Variants in NSMCE2 observed in about 807,000 individuals in gnomAD.
The protein encoded by NSMCE2 is NSE2 SUMO ligase component of SMC5/6 complex, also known as E3 SUMO-protein ligase NSE2.
In NSMCE2, 24 loss-of-function variants were observed where a neutral mutation model predicts 23.8. That is an observed-to-expected ratio of 1.01 (90% CI 0.73 to 1.42). NSMCE2 has a LOEUF of 1.42. NSMCE2 is among the 40% of genes most tolerant of loss of function. The pLI, the probability that NSMCE2 is intolerant of heterozygous loss-of-function variation, is 0.00. For synonymous variants in NSMCE2, 92 were observed against 94.1 expected (o/e 0.98, Z 0.13); for missense variants, 284 against 296.5 (o/e 0.96, Z 0.31).
chr8:125,313,572 T>G (rs1829060735), intron 5 of NSMCE2, among the ~76,000 whole-genome samples: 1 of 152,216 alleles, frequency 6.6e-6, no homozygotes, highest in Admixed American at 6.5e-5. Context: ...ACTTGCCAGC[T>G]TAGCTCTTTT....
chr8:125,102,207 T>G, intron 2 of NSMCE2, 61 bp downstream of exon 2: 5 of 751,022 alleles, frequency 6.7e-6, no homozygotes, highest in Non-Finnish European at 1.1e-5. Context: ...GTGGCATTTA[T>G]GAGATATTGG....
rs897549791 is a variant in NSMCE2, at chr8:125,259,567, C to T, written c.418+77311C>T. ...TGTGACAAATTGTCTTCCATGAAAC[C>T]GGCCCCTGGCACCAAAAGTTGGAGA... On this transcript the variant is annotated intron_variant, in intron 5 of 7. Coordinates refer to ENST00000287437, the MANE Select transcript of NSMCE2 (RefSeq NM_173685.4). 5.9e-5 allele frequency among the ~76,000 whole-genome samples: 9 copies of T among 152,246 alleles called. No individual in the cohort carries two copies. The South Asian group carries it at 1.0e-3, about 18-fold the overall frequency.
intron 5 of NSMCE2, among the ~76,000 whole-genome samples, chr8:125,277,902 AT>A (rs575034676): frequency 1.5e-3 from 228 of 151,970 alleles, no homozygotes; most frequent in Middle Eastern, 6.8e-3. Context: ...CTACCAAATA[AT>A]TTTTTTAAAA....
At chr8:125,238,162 CAGTG>C (rs751005532) in intron 5 of NSMCE2, among the ~76,000 whole-genome samples, 13 of 152,202 alleles carry the variant, frequency 8.5e-5, no homozygotes, top group South Asian at 2.1e-4. Flanking sequence ...TCTCTTGAGA[CAGTG>C]AGAACTAAAG....
intron 5 of NSMCE2, among the ~76,000 whole-genome samples, chr8:125,269,368 G>C (rs1456120208): frequency 6.6e-6 from 1 of 152,174 alleles, no homozygotes; most frequent in East Asian, 1.9e-4. Context: ...TTACAGGCTT[G>C]AGCCACTGCA....
chr8:125,310,218 G>C (rs1475543682), intron 5 of NSMCE2, among the ~76,000 whole-genome samples: 1 of 152,156 alleles, frequency 6.6e-6, no homozygotes, highest in Non-Finnish European at 1.5e-5. Flanking sequence ...GTCAAAATAA[G>C]GAAAATACAT....
intron 3 of NSMCE2, among the ~76,000 whole-genome samples, chr8:125,133,301 T>C (rs1338016671): frequency 6.6e-6 from 1 of 152,188 alleles, no homozygotes; most frequent in Non-Finnish European, 1.5e-5. Context: ...ACAAACATTT[T>C]TATGGAATGC....
chr8:125,256,453 T>C (rs1826419826), intron 5 of NSMCE2, among the ~76,000 whole-genome samples: 1 of 152,150 alleles, frequency 6.6e-6, no homozygotes, highest in African/African-American at 2.4e-5. Context: ...AGCTTTGACG[T>C]GCTGGATATG....
At chr8:125,364,125 G>A (rs965882811) in intron 7 of NSMCE2, among the ~76,000 whole-genome samples, 1 of 152,028 alleles carries the variant, frequency 6.6e-6, no homozygotes, top group African/African-American at 2.4e-5. Context: ...TGTATTTTTA[G>A]TAAAGATAGG....
chr8:125,328,533 G>T (rs549040560), intron 5 of NSMCE2, among the ~76,000 whole-genome samples: 1 of 152,248 alleles, frequency 6.6e-6, no homozygotes, highest in South Asian at 2.1e-4. Flanking sequence ...AGGCCTGCTG[G>T]TTTCAGAATT....
intron 3 of NSMCE2, among the ~76,000 whole-genome samples, chr8:125,114,659 A>C (rs1322105023): frequency 6.6e-6 from 1 of 152,196 alleles, no homozygotes; most frequent in Non-Finnish European, 1.5e-5. Context: ...AGATGCTGCT[A>C]AACAGCCTTC....
intron 5 of NSMCE2, among the ~76,000 whole-genome samples, chr8:125,326,818 T>C (rs58600417): frequency 0.042 from 6,349 of 151,120 alleles, 417 homozygotes; most frequent in African/African-American, 0.14. Context: ...TAGCCGGTCG[T>C]GGTGGCGGGC....
chr8:125,292,234 GAGA>G (rs940985767), intron 5 of NSMCE2, among the ~76,000 whole-genome samples: 17 of 151,782 alleles, frequency 1.1e-4, no homozygotes, highest in African/African-American at 2.9e-4. Flanking sequence ...AAAAAAAAAG[GAGA>G]AGAAGAAGAA....
At chr8:125,127,064 C>T (rs1403807069) in intron 3 of NSMCE2, 2 of 152,198 alleles carry the variant, frequency 1.3e-5, no homozygotes, top group Non-Finnish European at 2.9e-5. Context: ...TATCTGCTAG[C>T]TCTGTGAGTT....
intron 5 of NSMCE2, among the ~76,000 whole-genome samples, chr8:125,310,092 G>T (rs1828921343): frequency 6.6e-6 from 1 of 152,172 alleles, no homozygotes; most frequent in Non-Finnish European, 1.5e-5. Flanking sequence ...ACAACAGATG[G>T]TATCTTTCTA....
rs142447185 is a variant in NSMCE2 at position 125,357,803 on chromosome 8, G to A, written c.611G>A (p.Arg204Gln). The change falls in exon 7 of 8, where the codon CGG becomes CAG. Residue 204 changes from arginine to glutamine, a missense_variant. This residue lies in a region of NSMCE2 where 102 missense variants were observed against 141.0 expected (regional missense o/e 0.72). Coordinates refer to ENST00000287437, the MANE Select transcript of NSMCE2 (RefSeq NM_173685.4). ...CGCATGATTGAGTCCAGGCAAAAGC[G>A]GAAGAAAAAGGCCTAGTGAGTGGAC... ...IVRMIESRQK[R>Q]KKKAYCPQIG... The A allele has an allele frequency of 1.7e-5, 27 of 1,612,666 alleles. No individual in the cohort carries two copies. The highest frequency in any genetic ancestry group is 5.0e-5 in the Admixed American group (3 of 59,988).
Position 125,102,553 on chromosome 8 carries a change from G to C in NSMCE2, c.157+66G>C, listed in dbSNP as rs938135390. ...AACACTGTGTGGTGGTATTTATCTG[G>C]GGGTGCCTTTTGAGTATCCTTGGGG... is the stretch of plus-strand genomic sequence containing the variant. On this transcript the variant is annotated intron_variant, in intron 3 of 7. Transcript: ENST00000287437. The C allele has an allele frequency of 3.7e-6, 5 of 1,348,718 alleles. No homozygotes were observed. The African/African-American group carries it at 5.8e-5, about 16-fold the overall frequency. The allele number at this position is 1,348,718 out of a possible 1,614,324, so 83.5% of individuals were successfully genotyped here.
At chr8:125,271,739 T>C (rs1827200574) in intron 5 of NSMCE2, among the ~76,000 whole-genome samples, 1 of 152,230 alleles carries the variant, frequency 6.6e-6, no homozygotes, top group Non-Finnish European at 1.5e-5. Context: ...TGCTTGATTT[T>C]ATTGCTTTTG....
rs544641125 is a variant in NSMCE2, at chr8:125,247,523, G to A, written c.418+65267G>A. Among the ~76,000 whole-genome samples the A allele has an allele frequency of 2.0e-5, 3 of 152,188 alleles. No homozygotes were observed. In the East Asian group the frequency reaches 5.8e-4, roughly 29 times the overall value. On this transcript the variant is annotated intron_variant, in intron 5 of 7. Coordinates refer to ENST00000287437, the MANE Select transcript of NSMCE2 (RefSeq NM_173685.4). ...GTGGATTACCTGAGGTCAGCAGTTC[G>A]AGACCAGCCTGGCCAACACGGTGAA... is the stretch of plus-strand genomic sequence containing the variant.
Sources: gnomAD v4.1 joint callset for allele counts (sites outside exome capture counted in the v4.1 genomes callset) on GRCh38, gnomAD v4.1.1 for gene constraint, gnomAD v4.1.1 regional missense constraint, MANE v1.5 for transcripts, NCBI Gene and HGNC (gene_info 2026-07-23, HGNC 2026-07-21) for gene names.